The following GRHL1 variants were observed in gnomAD, a reference collection of about 807,000 sequenced individuals.
GRHL1 encodes the protein grainyhead like transcription factor 1, also known as grainyhead-like protein 1 homolog.
In GRHL1, 38 loss-of-function variants were observed where a neutral mutation model predicts 75.7. That is an observed-to-expected ratio of 0.50 (90% CI 0.39 to 0.66). GRHL1 has a LOEUF of 0.66. Among genes scored for constraint, GRHL1 ranks in the 30% least tolerant of loss-of-function variants. The probability of loss-of-function intolerance (pLI) is 0.00; values close to 1 mark genes in which losing one functional copy is unlikely to be tolerated. For synonymous variants in GRHL1, 266 were observed against 279.4 expected, an observed-to-expected ratio of 0.95 and a Z score of 0.48; for missense variants, 589 against 767.5, an observed-to-expected ratio of 0.77 and a Z score of 2.75.
chr2:9,953,118 A>G (rs1327949676), intron 1 of GRHL1: 2 of 456,380 alleles, frequency 4.4e-6, no homozygotes, highest in East Asian at 6.9e-5. Context: ...CAAAGCTAAC[A>G]TTTTGGCCTT....
chr2:9,972,494 G>T (rs1452401512), intron 8 of GRHL1, among the ~76,000 whole-genome samples: 1 of 152,088 alleles, frequency 6.6e-6, no homozygotes, highest in Admixed American at 6.5e-5. Flanking sequence ...TTTCTTTTAT[G>T]TGGAGCTCTT....
intron 12 of GRHL1, chr2:9,995,421 A>G (rs2125245637): frequency 6.6e-6 from 1 of 152,598 alleles, no homozygotes; most frequent in South Asian, 2.1e-4. Flanking sequence ...GGGAGAACCC[A>G]TCTCTACAAA....
chr2:9,953,497 A>AC (rs1268132997), intron 1 of GRHL1, among the ~76,000 whole-genome samples: 1 of 152,238 alleles, frequency 6.6e-6, no homozygotes, highest in African/African-American at 2.4e-5. Context: ...CTGGCTTTGA[A>AC]CAGTCTTTTA....
At chr2:9,993,354 G>T in intron 12 of GRHL1, 110 bp downstream of exon 12, 1 of 870,252 alleles carries the variant, frequency 1.1e-6, no homozygotes. Context: ...AGCCATCAAG[G>T]ATAAGTTGCC....
chr2:9,992,192 G>A lies in GRHL1; in HGVS notation c.1461+46G>A. ...GGGAGGTTACCAGGAAGGAAGGCAT[G>A]GCAAAAGGAAATTCTTTGGCATTAT... On this transcript the variant is annotated intron_variant, in intron 11 of 15. Transcript: ENST00000324907. The surrounding 1 kb of genome is among the most constrained non-coding windows in gnomAD (Gnocchi z 4.6). The A allele has an allele frequency of 6.3e-7, 1 of 1,577,740 alleles. No homozygotes were observed. The highest frequency in any genetic ancestry group is 8.6e-7 in the Non-Finnish European group (1 of 1,158,190).
At chr2:9,952,015 T>G (rs1338462367) in intron 1 of GRHL1, among the ~76,000 whole-genome samples, 162 bp downstream of exon 1, 1 of 151,604 alleles carries the variant, frequency 6.6e-6, no homozygotes, top group Non-Finnish European at 1.5e-5. Flanking sequence ...CCTTTGCCCC[T>G]TAGCCCTGCC....
In GRHL1 at chr2:9,987,360, G is replaced by C. The variant is rs1572379445; in HGVS notation, c.1269+1078G>C. On this transcript the variant is annotated intron_variant, in intron 9 of 15. Coordinates refer to ENST00000324907, the MANE Select transcript of GRHL1 (RefSeq NM_198182.3). This position sits in a 1 kb window ranked among gnomAD's most constrained non-coding sequence, Gnocchi z 4.2. ...TTACGTTTTAACTGATAGATTAGAA[G>C]GGTTGATAAGTACGTTTTGTTGGGC... Among the ~76,000 whole-genome samples the C allele has an allele frequency of 6.6e-6, 1 of 152,350 alleles. No homozygotes were observed. The highest frequency in any genetic ancestry group is 2.4e-5 in the African/African-American group (1 of 41,582).
chr2:9,998,275 G>A (rs1044219960), intron 14 of GRHL1, among the ~76,000 whole-genome samples: 3 of 151,456 alleles, frequency 2.0e-5, no homozygotes, highest in Admixed American at 2.0e-4. Context: ...TCTATGTCCC[G>A]AAAGGAAGAC....
rs146563819 is a variant in GRHL1 at position 9,957,955 on chromosome 2, G to A, written c.208-831G>A. Among the ~76,000 whole-genome samples the A allele has an allele frequency of 7.2e-3, 1,093 of 152,278 alleles. 12 individuals are homozygous for A. The highest frequency in any genetic ancestry group is 0.025 in the African/African-American group (1,035 of 41,548). On this transcript the variant is annotated intron_variant, in intron 2 of 15. Coordinates refer to ENST00000324907, the MANE Select transcript of GRHL1 (RefSeq NM_198182.3). ...GGGTGATGGACGTATGAATCCCAGC[G>A]TATCTAAAGACAGTGATCATATGAA... is the stretch of plus-strand genomic sequence containing the variant.
At chr2:9,993,294 A>C in intron 12 of GRHL1, 50 bp downstream of exon 12, 2 of 1,470,624 alleles carry the variant, frequency 1.4e-6, no homozygotes, top group Non-Finnish European at 1.9e-6. Flanking sequence ...AAATGATTTC[A>C]AACTTGTAGA....
At chr2:9,954,891 G>GT (rs150405807) in intron 1 of GRHL1, 24 bp from the exon 2 acceptor site, 115,164 of 1,287,834 alleles carry the variant, frequency 0.089, 2,036 homozygotes, top group African/African-American at 0.11. Flanking sequence ...GTGTGTTTTT[G>GT]TTTTTTTTTT....
chr2:9,957,970 G>C (rs1667106412), intron 2 of GRHL1, among the ~76,000 whole-genome samples: 1 of 152,180 alleles, frequency 6.6e-6, no homozygotes, highest in South Asian at 2.1e-4. Flanking sequence ...TAAAGACAGT[G>C]ATCATATGAA....
At chr2:9,998,855 T>TATATACGTATATATATGTACAC (rs1558321683) in intron 14 of GRHL1, 110 bp from the exon 15 acceptor site, 1 of 150,386 alleles carries the variant, frequency 6.6e-6, no homozygotes, top group East Asian at 1.3e-4. Context: ...TATGTACACA[T>TATATACGTATATATATGTACAC]ATATATACGT....
intron 8 of GRHL1, among the ~76,000 whole-genome samples, chr2:9,973,531 A>G (rs1448250731): frequency 1.3e-5 from 2 of 152,240 alleles, no homozygotes; most frequent in Admixed American, 6.5e-5. Context: ...TACTGACTTC[A>G]GTTGAATTCT....
chr2:9,965,229 TC>T (rs1303170213), intron 7 of GRHL1, 57 bp from the exon 8 acceptor site: 2 of 837,204 alleles, frequency 2.4e-6, no homozygotes, highest in Admixed American at 1.8e-5. Flanking sequence ...ACTGCTGGGA[TC>T]CCATGTTGAA....
At chr2:9,978,564 G>C (rs1038502455) in intron 8 of GRHL1, among the ~76,000 whole-genome samples, 1 of 152,184 alleles carries the variant, frequency 6.6e-6, no homozygotes, top group Non-Finnish European at 1.5e-5. Flanking sequence ...ACCATTGAAG[G>C]CTATTAGTGG....
chr2:9,957,085 C>T (rs1016784678), intron 2 of GRHL1, among the ~76,000 whole-genome samples: 4 of 151,466 alleles, frequency 2.6e-5, no homozygotes, highest in Non-Finnish European at 5.9e-5. Context: ...ACTGCAACCT[C>T]AACCTCCTGG....
chr2:9,954,935 T>G lies in GRHL1; in HGVS notation c.41T>G (p.Leu14Arg), dbSNP rs538178658. The change falls in exon 2 of 16, where the codon CTT (leucine) becomes CGT (arginine). Residue 14 changes from leucine (L) to arginine (R), a missense_variant. Transcript: ENST00000324907. ...TGAAGCAAACGGCCAGTGTTGGTTCTTCAGAATGAAGCACTTTATCCACAG... is the reference window on the plus strand; with the variant it reads ...TGAAGCAAACGGCCAGTGTTGGTTCGTCAGAATGAAGCACTTTATCCACAG... ...EYDNKRPVLV[L>R]QNEALYPQRR... 1.2e-6 allele frequency: 2 copies of G among 1,613,676 alleles called. No individual in the cohort carries two copies. Among genetic ancestry groups the G allele is most frequent in the South Asian group, 2.2e-5 (2 of 91,062 alleles).
chr2:9,996,921 T>C (rs1373776661), intron 14 of GRHL1, among the ~76,000 whole-genome samples: 1 of 152,170 alleles, frequency 6.6e-6, no homozygotes, highest in Non-Finnish European at 1.5e-5. Context: ...GACCCCATGC[T>C]CCCTGTGGGG....
Sources: allele counts gnomAD v4.1 joint callset (sites outside exome capture counted in the v4.1 genomes callset), GRCh38; gene constraint gnomAD v4.1.1; non-coding constraint Gnocchi (gnomAD v3.1); transcripts MANE v1.5; gene names NCBI Gene and HGNC (gene_info 2026-07-23, HGNC 2026-07-21).